The following CTNNA2 variants were observed in gnomAD, a reference collection of about 807,000 sequenced individuals.
CTNNA2 encodes catenin alpha 2.
CTNNA2 carries 42 observed loss-of-function variants against 101.0 expected under a neutral mutation model. The observed-to-expected ratio is 0.42, with a 90% CI of 0.32 to 0.54. The LOEUF (loss-of-function observed/expected upper bound fraction) is 0.54, where lower values mean the gene tolerates loss of function less well. Ranked by LOEUF, CTNNA2 falls within the 20% of genes least tolerant of loss-of-function variation. The pLI is 0.14. For missense variants in CTNNA2, 871 were observed against 1,223.1 expected, an observed-to-expected ratio of 0.71 and a Z score of 4.29; for synonymous variants, 450 against 456.4, an observed-to-expected ratio of 0.99 and a Z score of 0.18.
chr2:79,524,518 A>T (rs1244297072), intron 1 of CTNNA2: 2 of 151,560 alleles, frequency 1.3e-5, no homozygotes, highest in Non-Finnish European at 3.0e-5. Context: ...AAGAGTTCAT[A>T]GTTTAAATAC....
intron 3 of CTNNA2, among the ~76,000 whole-genome samples, chr2:79,362,852 G>T (rs796826850): frequency 6.6e-5 from 10 of 152,276 alleles, no homozygotes; most frequent in African/African-American, 2.4e-4. Flanking sequence ...TAGTTTGGAG[G>T]AGAAGTAAAC....
chr2:79,335,707 C>T (rs1186627536), intron 3 of CTNNA2, among the ~76,000 whole-genome samples: 1 of 152,192 alleles, frequency 6.6e-6, no homozygotes, highest in East Asian at 1.9e-4. Context: ...TGGGGCTTCT[C>T]TCATCTGTTG....
intron 7 of CTNNA2, among the ~76,000 whole-genome samples, chr2:79,944,346 A>G (rs1688349625): frequency 1.3e-5 from 2 of 152,244 alleles, no homozygotes; most frequent in African/African-American, 4.8e-5. Context: ...TAGGAGCTAT[A>G]TACTTTATTA....
chr2:79,611,398 G>T (rs1413757688), intron 1 of CTNNA2, among the ~76,000 whole-genome samples: 1 of 152,096 alleles, frequency 6.6e-6, no homozygotes, highest in African/African-American at 2.4e-5. Context: ...TGCAAGGAAG[G>T]TTCTCTGTTC....
At chr2:80,005,669 A>AT (rs5832427) in intron 7 of CTNNA2, among the ~76,000 whole-genome samples, 85,449 of 151,808 alleles carry the variant, frequency 0.56, 26,435 homozygotes, top group East Asian at 0.76. Context: ...CTACTTATAG[A>AT]TTTTTTAATT....
At chr2:79,239,861 C>T (rs142987603) in intron 2 of CTNNA2, among the ~76,000 whole-genome samples, 106 of 151,272 alleles carry the variant, frequency 7.0e-4, no homozygotes, top group Admixed American at 2.8e-3. Context: ...ATGTTTAGGG[C>T]GAAAGAAAGA....
In CTNNA2 at chr2:80,168,245, A is replaced by G. The variant is rs542915410; in HGVS notation, c.1057-224966A>G. Among the ~76,000 whole-genome samples the G allele has an allele frequency of 4.3e-4, 65 of 152,162 alleles. 1 individual carries two copies. Among genetic ancestry groups the G allele is most frequent in the Non-Finnish European group, 8.8e-4 (60 of 68,026 alleles). ...TCTCAGAAAAGGGAAGTTCAAGGAC[A>G]TGATCCTGGAAGACTCTCTGACCCT... is the stretch of plus-strand genomic sequence containing the variant. On this transcript the variant is annotated intron_variant, in intron 7 of 18. Transcript: ENST00000402739.
Position 79,763,596 on chromosome 2 carries a change from A to T in CTNNA2, c.298+19014A>T, listed in dbSNP as rs981805465. 1.1e-4 allele frequency among the ~76,000 whole-genome samples: 17 copies of T among 152,220 alleles called. No homozygotes were observed. The East Asian group carries it at 3.3e-3, about 29-fold the overall frequency. On this transcript the variant is annotated intron_variant, in intron 3 of 18. Coordinates refer to ENST00000402739, the MANE Select transcript of CTNNA2 (RefSeq NM_001282597.3). The stretch of plus-strand genomic sequence containing the variant: ...TTATTATTTCTTATAGTTTTTCAAC[A>T]TCTCTGCAATAGCAGCATCATTTTT...
At chr2:80,260,067 G>C (rs769564871) in intron 7 of CTNNA2, among the ~76,000 whole-genome samples, 1 of 152,100 alleles carries the variant, frequency 6.6e-6, no homozygotes, top group African/African-American at 2.4e-5. Flanking sequence ...CAATGAGCTT[G>C]GTACCATTAT....
chr2:79,906,772 C>CACTT (rs1472412942), intron 6 of CTNNA2, among the ~76,000 whole-genome samples: 9 of 152,316 alleles, frequency 5.9e-5, no homozygotes, highest in African/African-American at 2.2e-4. Context: ...TTAAAAGCAG[C>CACTT]ACTTTCCATG....
chr2:79,601,054 A>T (rs781427020), intron 1 of CTNNA2, among the ~76,000 whole-genome samples: 51 of 152,188 alleles, frequency 3.4e-4, no homozygotes, highest in Non-Finnish European at 6.2e-4. Flanking sequence ...ATGCACACCT[A>T]CACACATGTG....
chr2:80,518,978 T>C (rs910344685), intron 9 of CTNNA2, among the ~76,000 whole-genome samples: 2 of 102,478 alleles, frequency 2.0e-5, no homozygotes, highest in Non-Finnish European at 1.9e-5. Context: ...AACACATAAA[T>C]GGGATTTTTT....
At chr2:80,610,577 C>A (rs1279804230) in intron 17 of CTNNA2, among the ~76,000 whole-genome samples, 1 of 151,490 alleles carries the variant, frequency 6.6e-6, no homozygotes, top group African/African-American at 2.4e-5. Context: ...ATATGAAAGC[C>A]CCCAGGAAAG....
chr2:80,117,208 G>A lies in CTNNA2; in HGVS notation c.1056+207411G>A, dbSNP rs138683007. Reference sequence around the variant, plus strand: ...GGCAAGACAGAAGGACCAGTTTTTAGTGAATAAGTGGAGAGAAGAAAATAG... The same window carrying A: ...GGCAAGACAGAAGGACCAGTTTTTAATGAATAAGTGGAGAGAAGAAAATAG... On this transcript the variant is annotated intron_variant, in intron 7 of 18. Coordinates refer to ENST00000402739, the MANE Select transcript of CTNNA2 (RefSeq NM_001282597.3). 6.5e-3 allele frequency among the ~76,000 whole-genome samples: 992 copies of A among 152,204 alleles called. 2 individuals are homozygous for A. Among genetic ancestry groups the A allele is most frequent in the Non-Finnish European group, 9.2e-3 (627 of 68,010 alleles).
At chr2:79,272,615 A>G (rs1042928413) in intron 2 of CTNNA2, among the ~76,000 whole-genome samples, 3 of 152,128 alleles carry the variant, frequency 2.0e-5, no homozygotes, top group African/African-American at 7.2e-5. Flanking sequence ...AAATTTAGAT[A>G]AAAGATTCTT....
At chr2:80,139,452 T>G (rs1702877102) in intron 7 of CTNNA2, among the ~76,000 whole-genome samples, 1 of 152,176 alleles carries the variant, frequency 6.6e-6, no homozygotes, top group Non-Finnish European at 1.5e-5. Context: ...TTTCCATTTC[T>G]GTACATCACA....
intron 18 of CTNNA2, among the ~76,000 whole-genome samples, chr2:80,631,679 G>A (rs1423463127): frequency 1.3e-5 from 2 of 152,068 alleles, no homozygotes; most frequent in East Asian, 3.9e-4. Context: ...TGGCTTATTA[G>A]GAGAACCACC....
intron 7 of CTNNA2, among the ~76,000 whole-genome samples, chr2:80,062,745 G>T (rs913484631): frequency 1.6e-5 from 2 of 126,088 alleles, no homozygotes; most frequent in African/African-American, 6.4e-5. Flanking sequence ...TCACTCTGTC[G>T]CCCAGGCTGG....
chr2:79,777,258 C>T (rs1674037140), intron 3 of CTNNA2, among the ~76,000 whole-genome samples: 2 of 151,760 alleles, frequency 1.3e-5, no homozygotes, highest in African/African-American at 4.8e-5. Flanking sequence ...CTGTCAACAA[C>T]TGGATGATTT....
Sources: gnomAD v4.1 joint callset for allele counts (sites outside exome capture counted in the v4.1 genomes callset) on GRCh38, gnomAD v4.1.1 for gene constraint, MANE v1.5 for transcripts, NCBI Gene and HGNC (gene_info 2026-07-23, HGNC 2026-07-21) for gene names.